PLAAT3: variants seen among roughly 807,000 people sequenced by gnomAD.
The protein encoded by PLAAT3 is phospholipase A and acyltransferase 3.
PLAAT3 carries 21 observed loss-of-function variants against 16.7 expected under a neutral mutation model. The observed-to-expected ratio is 1.26, with a 90% CI of 0.89 to 1.81. PLAAT3 has a LOEUF of 1.81. PLAAT3 is among the 40% of genes most tolerant of loss of function. The pLI, the probability that PLAAT3 is intolerant of heterozygous loss-of-function variation, is 0.00. For synonymous variants in PLAAT3, 76 were observed against 81.7 expected, an observed-to-expected ratio of 0.93 and a Z score of 0.38; for missense variants, 219 against 213.7, an observed-to-expected ratio of 1.02 and a Z score of -0.16.
chr11:63,612,013 C>G (rs1361071216), intron 2 of PLAAT3, among the ~76,000 whole-genome samples: 1 of 152,206 alleles, frequency 6.6e-6, no homozygotes, highest in Admixed American at 6.5e-5. Flanking sequence ...TGGCGCATGC[C>G]TGTAATCCCA....
At chr11:63,606,472 A>G (rs142440876) in intron 2 of PLAAT3, among the ~76,000 whole-genome samples, 101 of 149,712 alleles carry the variant, frequency 6.7e-4, no homozygotes, top group Non-Finnish European at 1.2e-3. Context: ...ACCTTAGTAA[A>G]TAAGTAAATA....
At chr11:63,577,938 T>C (rs928520847) in intron 4 of PLAAT3, among the ~76,000 whole-genome samples, 6 of 150,964 alleles carry the variant, frequency 4.0e-5, no homozygotes, top group Non-Finnish European at 7.4e-5. Flanking sequence ...TCAAAAAGAA[T>C]AGCAAAAAAA....
intron 4 of PLAAT3, among the ~76,000 whole-genome samples, chr11:63,587,870 C>T (rs1374800559): frequency 6.6e-6 from 1 of 151,932 alleles, no homozygotes; most frequent in Non-Finnish European, 1.5e-5. Context: ...TTCTAGGATG[C>T]TAGTAAAGAG....
At chr11:63,581,436 C>G (rs946378036) in intron 4 of PLAAT3, among the ~76,000 whole-genome samples, 1 of 152,140 alleles carries the variant, frequency 6.6e-6, no homozygotes, top group Admixed American at 6.6e-5. Flanking sequence ...GAGATAAGGA[C>G]TGAAATATGC....
At position 63,614,393 on chromosome 11, in the gene PLAAT3, C is replaced by A. The variant is rs1253841695; in HGVS notation, c.-63G>T. Reference sequence around the variant, plus strand: ...AGACCCGATCCACCCACCTCGCGGTCTCGGAGGCAGCGCTGCAGCCCCAGC... The same window carrying A: ...AGACCCGATCCACCCACCTCGCGGTATCGGAGGCAGCGCTGCAGCCCCAGC... On this transcript the variant is annotated 5_prime_UTR_variant, in exon 1 of 5. Transcript: ENST00000415826. 5.8e-5 allele frequency: 14 copies of A among 240,824 alleles called. No homozygotes were observed. In the Admixed American group the frequency reaches 7.3e-4, roughly 13 times the overall value. The allele number at this position is 240,824 out of a possible 1,614,324, so 14.9% of individuals were successfully genotyped here.
upstream of PLAAT3, among the ~76,000 whole-genome samples, chr11:63,615,962 G>A (rs931218823): frequency 2.6e-5 from 4 of 151,768 alleles, no homozygotes; most frequent in Admixed American, 1.3e-4. Flanking sequence ...GCCACCACTC[G>A]GCCCATTTTT....
At chr11:63,583,302 T>C (rs1001946887) in intron 4 of PLAAT3, among the ~76,000 whole-genome samples, 5 of 152,166 alleles carry the variant, frequency 3.3e-5, no homozygotes, top group African/African-American at 1.2e-4. Flanking sequence ...GGAACCTGCA[T>C]AAAATCACTT....
At chr11:63,614,211 T>G in intron 1 of PLAAT3, 143 bp from the exon 2 acceptor site, 1 of 663,100 alleles carries the variant, frequency 1.5e-6, no homozygotes. Flanking sequence ...TTTAACAACT[T>G]TCTCGCCGGG....
chr11:63,579,872 T>TAAAAAAAAAA (rs34817353), intron 4 of PLAAT3, among the ~76,000 whole-genome samples: 2 of 107,102 alleles, frequency 1.9e-5, no homozygotes, highest in East Asian at 2.6e-4. Context: ...TAAAGTATAA[T>TAAAAAAAAAA]AAAAAAAAAA....
At chr11:63,599,133 G>T (rs1199738817) in intron 2 of PLAAT3, among the ~76,000 whole-genome samples, 1 of 152,206 alleles carries the variant, frequency 6.6e-6, no homozygotes, top group Non-Finnish European at 1.5e-5. Context: ...CAGGGGTAAA[G>T]AACTTCTCCA....
At chr11:63,579,888 A>AGAAG (rs200486221) in intron 4 of PLAAT3, among the ~76,000 whole-genome samples, 1 of 150,702 alleles carries the variant, frequency 6.6e-6, no homozygotes, top group African/African-American at 2.4e-5. Context: ...AAAAAAAAAA[A>AGAAG]AAGAAGAAGA....
rs1249508658 is a variant in PLAAT3, at chr11:63,598,063, G to T, written c.116C>A (p.Pro39Gln). ...GTGGAGGTCCCATGTGTTCTTACTT[G>T]GAGGGGCCAGATGAACCACATATCC... is the stretch of plus-strand genomic sequence containing the variant. ...GDGYVVHLAP[P>Q]SEVAGAGAAS... The change falls in exon 3 of 5, where the codon CCA (proline) becomes CAA (glutamine). Residue 39 changes from proline (P) to glutamine (Q), a missense_variant and splice_region_variant. By Grantham distance (76) the Pro-to-Gln change is moderately conservative (BLOSUM62 -1). Transcript: ENST00000415826. 1 of 1,606,392 alleles carries T rather than the reference G, an allele frequency of 6.2e-7. No homozygotes were observed. The highest frequency in any genetic ancestry group is 1.7e-5 in the Admixed American group (1 of 60,018).
chr11:63,614,996 CAA>C (rs1938795630), upstream of PLAAT3, among the ~76,000 whole-genome samples: 1 of 123,480 alleles, frequency 8.1e-6, no homozygotes, highest in Non-Finnish European at 1.8e-5. Flanking sequence ...GCCTGTGCAA[CAA>C]AGCGAAACTC....
intron 4 of PLAAT3, among the ~76,000 whole-genome samples, chr11:63,580,785 C>T (rs550699458): frequency 6.9e-4 from 105 of 152,302 alleles, no homozygotes; most frequent in African/African-American, 2.1e-3. Context: ...TAAGACTCAA[C>T]CAGCCATTGC....
intron 1 of PLAAT3, 126 bp from the exon 2 acceptor site, chr11:63,614,194 C>G (rs1486269363): frequency 6.6e-6 from 5 of 756,406 alleles, no homozygotes; most frequent in Non-Finnish European, 1.1e-5. Context: ...ACAACCACCT[C>G]GCTCCCTTTA....
chr11:63,593,893 T>A (rs1035112060), intron 3 of PLAAT3, among the ~76,000 whole-genome samples: 1 of 152,146 alleles, frequency 6.6e-6, no homozygotes, highest in Non-Finnish European at 1.5e-5. Context: ...GATTTACGCT[T>A]TCAAACAATC....
intron 4 of PLAAT3, among the ~76,000 whole-genome samples, chr11:63,576,956 A>T (rs4963425): frequency 0.67 from 102,040 of 152,118 alleles, 34,844 homozygotes; most frequent in East Asian, 0.94. Flanking sequence ...GCTTTAAGGA[A>T]TCTAAAATAA....
rs554371686 is a variant in PLAAT3, at chr11:63,588,367, G to A, written c.387+1733C>T. On this transcript the variant is annotated intron_variant, in intron 4 of 4. Coordinates refer to ENST00000415826, the MANE Select transcript of PLAAT3 (RefSeq NM_001128203.2). ...TTACAGGTGCGAGCCACTGTGCCCG[G>A]CCTAAAATAAAATTGTTTTAAGAAA... Among the ~76,000 whole-genome samples, 500 of 152,270 alleles carry A rather than the reference G, an allele frequency of 3.3e-3. 1 individual carries two copies. Among genetic ancestry groups the A allele is most frequent in the Non-Finnish European group, 5.2e-3 (356 of 68,018 alleles).
intron 2 of PLAAT3, among the ~76,000 whole-genome samples, chr11:63,610,985 G>C (rs935567646): frequency 2.0e-5 from 3 of 152,084 alleles, no homozygotes; most frequent in African/African-American, 7.2e-5. Flanking sequence ...CCTGGGGGCG[G>C]CTACAACAAC....
Sources: allele counts gnomAD v4.1 joint callset (sites outside exome capture counted in the v4.1 genomes callset), GRCh38; gene constraint gnomAD v4.1.1; transcripts MANE v1.5; gene names NCBI Gene and HGNC (gene_info 2026-07-23, HGNC 2026-07-21).